CCSER1: variants seen among roughly 807,000 people sequenced by gnomAD.
CCSER1 encodes the protein coiled-coil serine rich protein 1.
CCSER1 carries 41 observed loss-of-function variants against 82.0 expected under a neutral mutation model. The observed-to-expected ratio is 0.50, with a 90% confidence interval of 0.39 to 0.65. CCSER1 has a LOEUF of 0.65. Ranked by LOEUF, CCSER1 falls within the 30% of genes least tolerant of loss-of-function variation. The probability of loss-of-function intolerance (pLI) is 0.00; values close to 1 mark genes in which losing one functional copy is unlikely to be tolerated. For missense variants in CCSER1, 1,119 were observed against 1,064.2 expected (o/e 1.05, Z -0.72); for synonymous variants, 414 against 383.9 (o/e 1.08, Z -0.92).
At chr4:91,339,992 C>G (rs927317205) in intron 10 of CCSER1, among the ~76,000 whole-genome samples, 6 of 152,016 alleles carry the variant, frequency 3.9e-5, no homozygotes. Flanking sequence ...TGGCACGCAC[C>G]TGTAATCCCA....
intron 7 of CCSER1, among the ~76,000 whole-genome samples, chr4:90,768,221 A>G (rs565506358): frequency 4.6e-5 from 7 of 152,180 alleles, no homozygotes; most frequent in Non-Finnish European, 8.8e-5. Flanking sequence ...GAGAGGTCCA[A>G]ATGACTACTT....
chr4:91,536,990 C>T (rs1761330957), intron 10 of CCSER1, among the ~76,000 whole-genome samples: 1 of 151,856 alleles, frequency 6.6e-6, no homozygotes, highest in Non-Finnish European at 1.5e-5. Flanking sequence ...TTTTTTATTC[C>T]TAATTATGTC....
chr4:90,764,961 A>T (rs149972826), intron 7 of CCSER1, among the ~76,000 whole-genome samples: 1 of 152,044 alleles, frequency 6.6e-6, no homozygotes, highest in African/African-American at 2.4e-5. Flanking sequence ...TCTTTATTCT[A>T]TGAGGTCTCT....
At chr4:91,222,485 A>G (rs1426735135) in intron 10 of CCSER1, among the ~76,000 whole-genome samples, 1 of 152,186 alleles carries the variant, frequency 6.6e-6, no homozygotes, top group Admixed American at 6.5e-5. Flanking sequence ...TCCTCATACT[A>G]TACCTTTTGG....
chr4:91,445,791 G>C (rs972902798), intron 10 of CCSER1, among the ~76,000 whole-genome samples: 34 of 152,050 alleles, frequency 2.2e-4, no homozygotes, highest in African/African-American at 7.7e-4. Flanking sequence ...GCCCAAGTTG[G>C]AGAAGAATAA....
At position 91,292,162 on chromosome 4, in the gene CCSER1, C is replaced by T. The variant is rs576210474; in HGVS notation, c.2217+206168C>T. ...AGCATGTGGAAGGCCTGGCAGAACCCAGAACACAGCTTGTTTGAGGAGCTG... is the reference window on the plus strand; with the variant it reads ...AGCATGTGGAAGGCCTGGCAGAACCTAGAACACAGCTTGTTTGAGGAGCTG... On this transcript the variant is annotated intron_variant, in intron 10 of 10. Coordinates refer to ENST00000509176, the MANE Select transcript of CCSER1 (RefSeq NM_001145065.2). Among the ~76,000 whole-genome samples, 83 of 152,018 alleles carry T rather than the reference C, an allele frequency of 5.5e-4. No homozygotes were observed. In the Middle Eastern group the frequency reaches 0.014, roughly 25 times the overall value.
intron 10 of CCSER1, among the ~76,000 whole-genome samples, chr4:91,470,377 G>T (rs1757194072): frequency 6.6e-6 from 1 of 151,860 alleles, no homozygotes; most frequent in African/African-American, 2.4e-5. Context: ...AAATATACTA[G>T]CTTTCTTCTA....
At chr4:90,878,269 C>T (rs978168599) in intron 8 of CCSER1, among the ~76,000 whole-genome samples, 1 of 152,138 alleles carries the variant, frequency 6.6e-6, no homozygotes, top group Non-Finnish European at 1.5e-5. Flanking sequence ...AGCCCCTGTC[C>T]TTGTAATTCT....
chr4:90,743,009 A>G (rs1205401521), intron 7 of CCSER1, among the ~76,000 whole-genome samples: 5 of 152,132 alleles, frequency 3.3e-5, no homozygotes, highest in Non-Finnish European at 7.4e-5. Flanking sequence ...AATTTGGCAG[A>G]TATTCTATTA....
intron 3 of CCSER1, among the ~76,000 whole-genome samples, chr4:90,396,336 T>C (rs924980832): frequency 1.3e-5 from 2 of 152,206 alleles, no homozygotes; most frequent in East Asian, 3.9e-4. Context: ...CATGTGACCA[T>C]TGGTGCTAAA....
chr4:91,315,136 G>C lies in CCSER1; in HGVS notation c.2217+229142G>C, dbSNP rs549611921. 6.0e-5 allele frequency among the ~76,000 whole-genome samples: 8 copies of C among 133,046 alleles called. No homozygotes were observed. The East Asian group carries it at 1.8e-3, about 31-fold the overall frequency. The allele number at this position is 133,046 out of a possible 152,430, so 87.3% of individuals were successfully genotyped here. ...AATAGATGAGGGCTACTTCTAGATA[G>C]AACCGTGTGTGCAAGTGTGTGTGTG... is the stretch of plus-strand genomic sequence containing the variant. On this transcript the variant is annotated intron_variant, in intron 10 of 10. Transcript: ENST00000509176.
At chr4:91,301,310 C>T (rs1397094258) in intron 10 of CCSER1, among the ~76,000 whole-genome samples, 1 of 151,568 alleles carries the variant, frequency 6.6e-6, no homozygotes, top group East Asian at 1.9e-4. Context: ...ACCTTTACTT[C>T]TGAATTTATA....
At chr4:91,566,990 C>T (rs1463316981) in intron 10 of CCSER1, among the ~76,000 whole-genome samples, 1 of 152,048 alleles carries the variant, frequency 6.6e-6, no homozygotes, top group Non-Finnish European at 1.5e-5. Context: ...AGGTTGTTCA[C>T]TGAGATCTTT....
intron 1 of CCSER1, among the ~76,000 whole-genome samples, chr4:90,298,462 T>G (rs1385373453): frequency 2.0e-5 from 3 of 151,382 alleles, no homozygotes; most frequent in Non-Finnish European, 4.4e-5. Flanking sequence ...ATTCATTAAT[T>G]TTTTGAAGGG....
chr4:91,069,036 C>T (rs957445624), intron 9 of CCSER1, among the ~76,000 whole-genome samples: 20 of 151,924 alleles, frequency 1.3e-4, no homozygotes, highest in African/African-American at 2.4e-4. Flanking sequence ...TAGCTGGGTG[C>T]GGTGGCATGC....
At chr4:90,825,290 C>T (rs969968877) in intron 8 of CCSER1, among the ~76,000 whole-genome samples, 7 of 152,200 alleles carry the variant, frequency 4.6e-5, no homozygotes, top group Non-Finnish European at 7.4e-5. Context: ...TTAATTTATA[C>T]GTAAAGTTAA....
intron 9 of CCSER1, among the ~76,000 whole-genome samples, chr4:90,954,761 A>G (rs1198617501): frequency 6.7e-6 from 1 of 150,312 alleles, no homozygotes; most frequent in Admixed American, 6.7e-5. Flanking sequence ...ATTCGTTTTT[A>G]TGTGTTGAGG....
chr4:90,810,643 C>T (rs1387103496), intron 7 of CCSER1, among the ~76,000 whole-genome samples: 2 of 124,726 alleles, frequency 1.6e-5, no homozygotes, highest in Non-Finnish European at 3.5e-5. Context: ...GAGACTCCCT[C>T]TCAACAACAA....
chr4:90,358,422 T>C (rs1744727907), intron 3 of CCSER1, among the ~76,000 whole-genome samples: 1 of 152,150 alleles, frequency 6.6e-6, no homozygotes, highest in Non-Finnish European at 1.5e-5. Context: ...TCAAACCTGA[T>C]AGTAGTATTG....
Sources: allele counts gnomAD v4.1 joint callset (sites outside exome capture counted in the v4.1 genomes callset), GRCh38; gene constraint gnomAD v4.1.1; transcripts MANE v1.5; gene names NCBI Gene and HGNC (gene_info 2026-07-23, HGNC 2026-07-21).